GRIA3: variants seen among roughly 807,000 people sequenced by gnomAD.
GRIA3 encodes glutamate ionotropic receptor AMPA type subunit 3, also known as glutamate receptor 3.
A neutral mutation model predicts 63.0 loss-of-function variants in GRIA3; 3 were observed. That is an observed-to-expected ratio of 0.05 (90% CI 0.02 to 0.12). The LOEUF is 0.12. Ranked by LOEUF, GRIA3 falls within the 10% of genes least tolerant of loss-of-function variation. The pLI, the probability that GRIA3 is intolerant of heterozygous loss-of-function variation, is 1.00. For synonymous variants in GRIA3, 274 were observed against 257.9 expected (o/e 1.06, Z -0.60); for missense variants, 347 against 700.9 (o/e 0.50, Z 5.70).
chrX:123,193,372 G>C (rs1927490260), intron 2 of GRIA3, among the ~76,000 whole-genome samples: 1 of 111,524 alleles, frequency 9.0e-6, no homozygotes, highest in African/African-American at 3.3e-5. Context: ...TCTGGGTCAA[G>C]GCATGCCAGA....
intron 12 of GRIA3, among the ~76,000 whole-genome samples, chrX:123,454,552 G>A (rs1346998258): frequency 9.0e-6 from 1 of 110,849 alleles, no homozygotes; most frequent in East Asian, 2.8e-4. Flanking sequence ...AATTACTGGT[G>A]GTGGGGGCTG....
intron 13 of GRIA3, among the ~76,000 whole-genome samples, chrX:123,467,370 T>C (rs1453874481): frequency 8.9e-6 from 1 of 112,183 alleles, no homozygotes. Context: ...GAAAATTCCA[T>C]TCATCCCTTA....
At chrX:123,309,060 A>G (rs2044772620) in intron 3 of GRIA3, among the ~76,000 whole-genome samples, 1 of 112,140 alleles carries the variant, frequency 8.9e-6, no homozygotes, top group African/African-American at 3.2e-5. Flanking sequence ...CCTCTGAGGC[A>G]TAAGGCGTAT....
intron 14 of GRIA3, among the ~76,000 whole-genome samples, chrX:123,481,662 T>C (rs1394021090): frequency 8.9e-6 from 1 of 111,921 alleles, no homozygotes; most frequent in African/African-American, 3.3e-5. Context: ...AGCAAAATGG[T>C]TACATACCCT....
At chrX:123,385,356 A>G (rs564939158) in intron 5 of GRIA3, among the ~76,000 whole-genome samples, 2 of 111,042 alleles carry the variant, frequency 1.8e-5, no homozygotes, top group South Asian at 3.8e-4. Context: ...CCATTAGTCT[A>G]TGTACTAATA....
intron 12 of GRIA3, among the ~76,000 whole-genome samples, chrX:123,443,678 T>C (rs1200779027): frequency 1.8e-5 from 2 of 111,505 alleles, no homozygotes; most frequent in Non-Finnish European, 3.8e-5. Context: ...GTTATGTTAG[T>C]GTCTGTACAG....
intron 13 of GRIA3, chrX:123,465,902 G>T: frequency 1.6e-6 from 1 of 608,123 alleles, no homozygotes; most frequent in Non-Finnish European, 2.8e-6. Context: ...GAATGACCAG[G>T]TTATTCCCCT....
intron 3 of GRIA3, among the ~76,000 whole-genome samples, chrX:123,275,120 T>C (rs951148985): frequency 3.6e-5 from 4 of 111,092 alleles, no homozygotes; most frequent in East Asian, 5.6e-4. Context: ...ATAACAAGGA[T>C]AATAACAATA....
intron 5 of GRIA3, among the ~76,000 whole-genome samples, chrX:123,390,846 T>C (rs759774000): frequency 3.6e-5 from 4 of 111,687 alleles, no homozygotes; most frequent in Non-Finnish European, 5.6e-5. Flanking sequence ...TTTTCATTTT[T>C]GTCTGACTGG....
chrX:123,466,660 A>G (rs1219936593), intron 13 of GRIA3, among the ~76,000 whole-genome samples: 1 of 112,474 alleles, frequency 8.9e-6, no homozygotes, highest in Admixed American at 9.4e-5. Context: ...AAAGTCATGG[A>G]AACACACTTC....
intron 3 of GRIA3, among the ~76,000 whole-genome samples, chrX:123,255,042 A>G (rs1380744110): frequency 8.9e-6 from 1 of 112,197 alleles, no homozygotes; most frequent in African/African-American, 3.2e-5. Flanking sequence ...CATATATAAT[A>G]TGGTTTCAAG....
chrX:123,232,472 T>C (rs958629185), intron 2 of GRIA3, among the ~76,000 whole-genome samples: 17 of 111,636 alleles, frequency 1.5e-4, no homozygotes, highest in African/African-American at 4.2e-4. Flanking sequence ...AGTTATTATT[T>C]AGTGGGTACA....
chrX:123,326,026 G>C lies in GRIA3; in HGVS notation c.509G>C (p.Gly170Ala), dbSNP rs2044900301. ...KFVYLYDTER[G>A]FSILQAIMEA... Reference sequence around the variant, plus strand: ...TTGAAGCTGTTTTTCCTTCCTTCAGGATTTTCCATCCTCCAAGCGATTATG... The same window carrying C: ...TTGAAGCTGTTTTTCCTTCCTTCAGCATTTTCCATCCTCCAAGCGATTATG... The change falls in exon 4 of 16, where the codon GGA (glycine) becomes GCA (alanine). Residue 170 changes from glycine (G) to alanine (A), a missense_variant and splice_region_variant. Around this residue, in one of 8 missense-constraint regions of GRIA3, gnomAD observed 113 missense variants for 130.6 expected, o/e 0.87. Coordinates refer to ENST00000620443, the MANE Select transcript of GRIA3 (RefSeq NM_007325.5). 1 of 1,201,585 alleles carries C rather than the reference G, an allele frequency of 8.3e-7. No homozygotes were observed. Among genetic ancestry groups the C allele is most frequent in the African/African-American group, 1.8e-5 (1 of 56,700 alleles).
intron 2 of GRIA3, among the ~76,000 whole-genome samples, chrX:123,248,835 A>T (rs1452876547): frequency 8.9e-6 from 1 of 112,090 alleles, no homozygotes; most frequent in Non-Finnish European, 1.9e-5. Flanking sequence ...GTGCTTCATT[A>T]AGGATTCAGA....
At chrX:123,311,013 A>G (rs1489706055) in intron 3 of GRIA3, among the ~76,000 whole-genome samples, 1 of 110,723 alleles carries the variant, frequency 9.0e-6, no homozygotes, top group African/African-American at 3.3e-5. Context: ...AAAAAAAAAA[A>G]AAAAGAAATT....
intron 3 of GRIA3, among the ~76,000 whole-genome samples, chrX:123,272,475 C>T: frequency 8.9e-6 from 1 of 112,055 alleles, no homozygotes; most frequent in Admixed American, 9.5e-5. Context: ...TGGGGACAGC[C>T]AGTTAGGCGG....
chrX:123,374,376 T>A (rs770013692), intron 5 of GRIA3, among the ~76,000 whole-genome samples: 65 of 112,116 alleles, frequency 5.8e-4, no homozygotes, highest in Middle Eastern at 4.6e-3. Context: ...AAAGTAGTTT[T>A]ATCCAATTCT....
chrX:123,271,716 A>G (rs2044524305), intron 3 of GRIA3, among the ~76,000 whole-genome samples: 1 of 111,707 alleles, frequency 9.0e-6, no homozygotes, highest in African/African-American at 3.3e-5. Context: ...CGTCACAAAA[A>G]TTTTACCAAG....
intron 4 of GRIA3, among the ~76,000 whole-genome samples, chrX:123,330,943 A>T (rs2044937495): frequency 8.9e-6 from 1 of 112,232 alleles, no homozygotes; most frequent in Admixed American, 9.4e-5. Flanking sequence ...CTTATAGAAG[A>T]CTTATTTAAT....
Sources: allele counts gnomAD v4.1 joint callset (sites outside exome capture counted in the v4.1 genomes callset), GRCh38; gene constraint gnomAD v4.1.1; regional missense constraint gnomAD v4.1.1; transcripts MANE v1.5; gene names NCBI Gene and HGNC (gene_info 2026-07-23, HGNC 2026-07-21).